PHF24: variants seen among roughly 807,000 people sequenced by gnomAD.
PHF24 encodes the protein Galpha inhibitory interacting protein.
In PHF24, 25 loss-of-function variants were observed where a neutral mutation model predicts 42.6. The ratio of observed to expected loss-of-function variants is 0.59; its 90% confidence interval spans 0.43 to 0.82. The LOEUF is 0.82. Among genes scored for constraint, PHF24 ranks in the 40% least tolerant of loss-of-function variants. PHF24 has a pLI of 0.00. For missense variants in PHF24, 470 were observed against 538.1 expected (o/e 0.87, Z 1.25); for synonymous variants, 185 against 204.8 (o/e 0.90, Z 0.83).
At chr9:34,776,453 T>C in the PHF24 span, among the ~76,000 whole-genome samples, 2 of 152,354 alleles carry the variant, frequency 1.3e-5, no homozygotes, top group Admixed American at 1.3e-4. Context: ...TTAGAGATTC[T>C]TTCTTTGTTT....
chr9:34,915,588 A>G, the PHF24 span, among the ~76,000 whole-genome samples: 1 of 152,180 alleles, frequency 6.6e-6, no homozygotes, highest in Non-Finnish European at 1.5e-5. Flanking sequence ...AGAGGCAGGT[A>G]TCACCTGTTT....
chr9:34,982,271 TC>T (rs1189634856), exon 8 of PHF24: 9 of 152,162 alleles, frequency 5.9e-5, no homozygotes, highest in African/African-American at 9.7e-5. Flanking sequence ...CTGTGATCTG[TC>T]CCCCAGCCAA....
At chr9:34,682,150 A>ATTTTTTTTTTTTTTT in the PHF24 span, among the ~76,000 whole-genome samples, 1 of 93,098 alleles carries the variant, frequency 1.1e-5, no homozygotes, top group Non-Finnish European at 2.1e-5. Flanking sequence ...AATTATTTCT[A>ATTTTTTTTTTTTTTT]TTTTTTTTTT....
At chr9:34,739,598 G>C in the PHF24 span, among the ~76,000 whole-genome samples, 2 of 152,108 alleles carry the variant, frequency 1.3e-5, no homozygotes, top group Non-Finnish European at 2.9e-5. Flanking sequence ...GTTCGGATGT[G>C]TTCGGAGTTT....
the PHF24 span, among the ~76,000 whole-genome samples, chr9:34,808,803 C>T: frequency 0.95 from 143,128 of 150,878 alleles, 68,124 homozygotes; most frequent in Non-Finnish European, 0.99. Context: ...AAATCACCTC[C>T]TAAAGGTCCA....
the PHF24 span, among the ~76,000 whole-genome samples, chr9:34,810,014 C>T: frequency 6.8e-6 from 1 of 146,292 alleles, no homozygotes; most frequent in African/African-American, 2.4e-5. Context: ...CCGCCGCCCA[C>T]GCGCCGCCGC....
chr9:34,705,167 A>T, the PHF24 span, among the ~76,000 whole-genome samples: 1 of 152,180 alleles, frequency 6.6e-6, no homozygotes, highest in African/African-American at 2.4e-5. Flanking sequence ...ATAAGACATT[A>T]GAAATCCTTC....
chr9:34,782,872 C>G, the PHF24 span, among the ~76,000 whole-genome samples: 3 of 152,150 alleles, frequency 2.0e-5, no homozygotes, highest in Non-Finnish European at 4.4e-5. Flanking sequence ...TTAAGCTAGT[C>G]TGACTTATCC....
At chr9:34,869,809 A>G in the PHF24 span, among the ~76,000 whole-genome samples, 1 of 152,064 alleles carries the variant, frequency 6.6e-6, no homozygotes, top group African/African-American at 2.4e-5. Context: ...GATGACCCTA[A>G]TCTACCTTCT....
At chr9:34,917,222 G>A in the PHF24 span, 8 of 1,408,048 alleles carry the variant, frequency 5.7e-6, no homozygotes, top group East Asian at 1.1e-4. Context: ...TCAAGCAGGT[G>A]TACATATCCC....
the PHF24 span, among the ~76,000 whole-genome samples, chr9:34,745,807 A>G: frequency 1.3e-5 from 2 of 152,062 alleles, no homozygotes; most frequent in African/African-American, 4.8e-5. Flanking sequence ...CCAATGATAG[A>G]TTAAGTTGAT....
intron 1 of PHF24, among the ~76,000 whole-genome samples, chr9:34,959,083 C>T (rs943685215): frequency 6.6e-6 from 1 of 152,220 alleles, no homozygotes; most frequent in Non-Finnish European, 1.5e-5. Context: ...CCCAGTTGCT[C>T]CACGCTGCAT....
At chr9:34,841,246 G>T in the PHF24 span, among the ~76,000 whole-genome samples, 1 of 152,042 alleles carries the variant, frequency 6.6e-6, no homozygotes, top group Admixed American at 6.6e-5. Context: ...TGATCCTCCC[G>T]TCTCGGCCTC....
the PHF24 span, among the ~76,000 whole-genome samples, chr9:34,692,476 T>TGAGC: frequency 6.6e-6 from 1 of 152,154 alleles, no homozygotes; most frequent in Admixed American, 6.5e-5. Flanking sequence ...AGGTGTGCTC[T>TGAGC]AGGGTTTGCA....
the PHF24 span, among the ~76,000 whole-genome samples, chr9:34,908,094 G>T: frequency 6.6e-6 from 1 of 152,132 alleles, no homozygotes; most frequent in African/African-American, 2.4e-5. Context: ...GCCCGCCTCG[G>T]CCTCCCAAAG....
At chr9:34,806,521 C>T in the PHF24 span, among the ~76,000 whole-genome samples, 287 of 152,188 alleles carry the variant, frequency 1.9e-3, 10 homozygotes, top group East Asian at 0.048. Flanking sequence ...TGCAGTGGCA[C>T]GATCTCGGCT....
At chr9:34,971,521 GGCC>G in exon 2 of PHF24, 2 of 1,614,166 alleles carry the variant, frequency 1.2e-6, no homozygotes, top group Non-Finnish European at 1.7e-6. Context: ...GAGTAGTGCC[GGCC>G]GCGCAGCCTG....
the PHF24 span, among the ~76,000 whole-genome samples, chr9:34,788,258 G>A: frequency 2.8e-3 from 433 of 152,186 alleles, 1 homozygote; most frequent in African/African-American, 9.5e-3. Context: ...GCCCAGTCTG[G>A]TCTTGAACTC....
chr9:34,878,568 T>C, the PHF24 span, among the ~76,000 whole-genome samples: 26 of 152,300 alleles, frequency 1.7e-4, no homozygotes, highest in South Asian at 5.4e-3. Flanking sequence ...GAAGACTATA[T>C]CCCACACCTG....
Sources: gnomAD v4.1 joint callset for allele counts (sites outside exome capture counted in the v4.1 genomes callset) on GRCh38, gnomAD v4.1.1 for gene constraint, MANE v1.5 for transcripts, NCBI Gene and HGNC (gene_info 2026-07-23, HGNC 2026-07-21) for gene names.